GLI3: variants seen among roughly 807,000 people sequenced by gnomAD.
GLI3 encodes the protein transcription activator GLI3.
In GLI3, 20 loss-of-function variants were observed where a neutral mutation model predicts 100.8. The observed-to-expected ratio is 0.20, with a 90% CI of 0.14 to 0.29. The LOEUF (loss-of-function observed/expected upper bound fraction) is 0.29. GLI3 is among the 10% of genes least tolerant of loss of function. The pLI, the probability that GLI3 is intolerant of heterozygous loss-of-function variation, is 1.00. For synonymous variants in GLI3, 938 were observed against 860.5 expected (o/e 1.09, Z -1.58); for missense variants, 2,040 against 2,128.5 (o/e 0.96, Z 0.82).
At chr7:42,084,901 C>CTTTTTTTTTTTTT (rs747166719) in intron 3 of GLI3, among the ~76,000 whole-genome samples, 5 of 47,500 alleles carry the variant, frequency 1.1e-4, no homozygotes, top group African/African-American at 3.1e-4. Context: ...CATTTGGATT[C>CTTTTTTTTTTTTT]TTTTTTTTTT....
intron 3 of GLI3, among the ~76,000 whole-genome samples, chr7:42,092,807 T>TTATTTATTTATTTATTTATG (rs1562724963): frequency 7.2e-6 from 1 of 138,682 alleles, no homozygotes; most frequent in African/African-American, 2.7e-5. Flanking sequence ...ATTTATTTAT[T>TTATTTATTTATTTATTTATG]TATTTATGTA....
chr7:42,002,719 C>A lies in GLI3; in HGVS notation c.1497+20749G>T, dbSNP rs1788340031. 2.0e-5 allele frequency among the ~76,000 whole-genome samples: 3 copies of A among 152,122 alleles called. No homozygotes were observed. In the South Asian group the frequency reaches 6.2e-4, roughly 32 times the overall value. ...TACCACAAGCTGAAACACTAATAAG[C>A]AAAATCTCATGTCCAGGGGCTATAA... On this transcript the variant is annotated intron_variant, in intron 10 of 14. Transcript: ENST00000395925.
chr7:42,064,826 T>C (rs1244994298), intron 4 of GLI3, among the ~76,000 whole-genome samples: 1 of 152,186 alleles, frequency 6.6e-6, no homozygotes, highest in Middle Eastern at 3.2e-3. Flanking sequence ...ATCCTCCCTC[T>C]GTGAAGAAGC....
At chr7:42,082,639 G>A (rs1397799890) in intron 3 of GLI3, among the ~76,000 whole-genome samples, 1 of 152,140 alleles carries the variant, frequency 6.6e-6, no homozygotes, top group East Asian at 1.9e-4. Flanking sequence ...ATTATGTGGG[G>A]TTAGAAACTC....
At chr7:42,171,755 C>A (rs1357021174) in intron 2 of GLI3, among the ~76,000 whole-genome samples, 1 of 152,206 alleles carries the variant, frequency 6.6e-6, no homozygotes, top group African/African-American at 2.4e-5. Context: ...TTAGAGAATT[C>A]CTTCTGTCAC....
chr7:42,197,580 G>C (rs900774380), intron 2 of GLI3, among the ~76,000 whole-genome samples: 2 of 152,192 alleles, frequency 1.3e-5, no homozygotes, highest in Non-Finnish European at 2.9e-5. Flanking sequence ...AAAACCAAAT[G>C]AAATGTCGTG....
chr7:42,202,545 T>A (rs1788068501), intron 2 of GLI3, among the ~76,000 whole-genome samples: 1 of 152,186 alleles, frequency 6.6e-6, no homozygotes. Context: ...TCAGGTAGCA[T>A]CACTAAGAAC....
chr7:41,994,547 C>T (rs1788073278), intron 10 of GLI3, among the ~76,000 whole-genome samples: 1 of 152,092 alleles, frequency 6.6e-6, no homozygotes, highest in East Asian at 1.9e-4. Context: ...TGTGGTCCTT[C>T]CAAAGGGGAA....
intron 1 of GLI3, among the ~76,000 whole-genome samples, chr7:42,263,865 A>G (rs189911728): frequency 1.2e-4 from 19 of 152,316 alleles, no homozygotes; most frequent in Admixed American, 3.9e-4. Flanking sequence ...GCTATGAAAC[A>G]TACAACAACA....
At chr7:42,037,056 G>A (rs1583498397) in intron 7 of GLI3, among the ~76,000 whole-genome samples, 2 of 152,188 alleles carry the variant, frequency 1.3e-5, no homozygotes, top group Admixed American at 6.5e-5. Flanking sequence ...CAGAAGAATC[G>A]CTTGAACCTG....
chr7:42,142,187 A>T (rs1786584595), intron 3 of GLI3, among the ~76,000 whole-genome samples: 1 of 152,176 alleles, frequency 6.6e-6, no homozygotes, highest in African/African-American at 2.4e-5. Flanking sequence ...GGGTTGTTAG[A>T]TAGGCCTTTA....
intron 3 of GLI3, among the ~76,000 whole-genome samples, chr7:42,136,888 A>AC (rs1259577599): frequency 6.6e-6 from 1 of 152,158 alleles, no homozygotes; most frequent in African/African-American, 2.4e-5. Context: ...CTGATCCCAA[A>AC]CCACTGGCAA....
chr7:41,994,435 A>G (rs1424305318), intron 10 of GLI3, among the ~76,000 whole-genome samples: 1 of 152,228 alleles, frequency 6.6e-6, no homozygotes, highest in Non-Finnish European at 1.5e-5. Context: ...GGTCCTACAG[A>G]ATTTTCATTG....
chr7:42,154,354 G>C (rs1424041890), intron 2 of GLI3, among the ~76,000 whole-genome samples: 2 of 152,086 alleles, frequency 1.3e-5, no homozygotes, highest in African/African-American at 4.8e-5. Context: ...CTCGGCCAGG[G>C]GCTTTGTGTG....
intron 4 of GLI3, among the ~76,000 whole-genome samples, chr7:42,069,621 C>T (rs1269242544): frequency 6.6e-6 from 1 of 152,070 alleles, no homozygotes; most frequent in Non-Finnish European, 1.5e-5. Flanking sequence ...TGACACATGG[C>T]ATTGCTCATA....
intron 10 of GLI3, among the ~76,000 whole-genome samples, chr7:41,987,101 G>GACACAGACACAGACACAGAC (rs1554308382): frequency 7.1e-6 from 1 of 140,614 alleles, no homozygotes; most frequent in East Asian, 2.2e-4. Context: ...CACAGACACA[G>GACACAGACACAGACACAGAC]ACACACACAC....
At chr7:42,192,103 A>T (rs1014180867) in intron 2 of GLI3, among the ~76,000 whole-genome samples, 1 of 152,190 alleles carries the variant, frequency 6.6e-6, no homozygotes, top group Admixed American at 6.5e-5. Context: ...TGTACCTTAT[A>T]AAAATGTCAA....
chr7:42,014,914 TATACTTATGACTATTTTTAA>T, intron 10 of GLI3, among the ~76,000 whole-genome samples: 1 of 152,244 alleles, frequency 6.6e-6, no homozygotes, highest in African/African-American at 2.4e-5. Flanking sequence ...AAATCAATGG[TATACTTATGACTATTTTTAA>T]ATGTTCATAA....
chr7:42,223,099 C>G, intron 2 of GLI3, 31 bp downstream of exon 2: 1 of 1,613,064 alleles, frequency 6.2e-7, no homozygotes, highest in Non-Finnish European at 8.5e-7. Flanking sequence ...TGACTCCAGG[C>G]TGGGCTGCTG....
Sources: allele counts gnomAD v4.1 joint callset (sites outside exome capture counted in the v4.1 genomes callset), GRCh38; gene constraint gnomAD v4.1.1; transcripts MANE v1.5; gene names NCBI Gene and HGNC (gene_info 2026-07-23, HGNC 2026-07-21).